The following PACRG variants were observed in gnomAD, a reference collection of about 807,000 sequenced individuals.
PACRG encodes parkin coregulated, also known as parkin coregulated gene protein.
Under a neutral mutation model 29.7 loss-of-function variants are expected in PACRG, and 29 were observed. That is an observed-to-expected ratio of 0.98 (90% CI 0.73 to 1.33). The LOEUF (loss-of-function observed/expected upper bound fraction) is 1.33, where lower values mean the gene tolerates loss of function less well. Ranked by LOEUF, PACRG falls within the 40% of genes most tolerant of loss-of-function variation. The pLI is 0.00. For synonymous variants in PACRG, 116 were observed against 118.7 expected, an observed-to-expected ratio of 0.98 and a Z score of 0.15; for missense variants, 279 against 316.2, an observed-to-expected ratio of 0.88 and a Z score of 0.89.
intron 4 of PACRG, among the ~76,000 whole-genome samples, chr6:163,212,905 A>G (rs1038063424): frequency 1.3e-5 from 2 of 151,986 alleles, no homozygotes; most frequent in South Asian, 2.1e-4. Context: ...CAGCCTCCCG[A>G]GTAGCTGGAA....
chr6:162,804,684 A>T (rs1396109761), intron 1 of PACRG, among the ~76,000 whole-genome samples: 1 of 152,128 alleles, frequency 6.6e-6, no homozygotes, highest in Non-Finnish European at 1.5e-5. Flanking sequence ...ACCTCAGGCC[A>T]TTCTGTTAGA....
chr6:163,061,006 G>A (rs1034843335), intron 2 of PACRG, among the ~76,000 whole-genome samples: 12 of 151,976 alleles, frequency 7.9e-5, no homozygotes, highest in Non-Finnish European at 7.4e-5. Flanking sequence ...TAGGGAATAT[G>A]TATATATGTA....
intron 2 of PACRG, among the ~76,000 whole-genome samples, chr6:163,051,028 T>G: frequency 6.6e-6 from 1 of 152,342 alleles, no homozygotes; most frequent in African/African-American, 2.4e-5. Context: ...ATCTTTTCCA[T>G]TGCTTTACCT....
At position 162,728,074 on chromosome 6, in the gene PACRG, A is replaced by C; in HGVS notation, c.-162A>C. 1.2e-6 allele frequency: 1 copy of C among 849,394 alleles called. No individual in the cohort carries two copies. Among genetic ancestry groups the C allele is most frequent in the Non-Finnish European group, 1.9e-6 (1 of 540,164 alleles). 52.6% of individuals were successfully genotyped at this position (849,394 alleles called of 1,614,324 possible). On this transcript the variant is annotated 5_prime_UTR_variant, in exon 1 of 5. Coordinates refer to ENST00000366888, the MANE Select transcript of PACRG (RefSeq NM_001080379.2). ...CCCTAGGGTCCAGCTCCCTTCACCT[A>C]GGAGCTGCCAAACATCTGGATCAAC...
intron 1 of PACRG, among the ~76,000 whole-genome samples, chr6:162,733,409 G>A (rs1353253712): frequency 1.3e-5 from 2 of 152,176 alleles, no homozygotes; most frequent in Non-Finnish European, 2.9e-5. Context: ...TTTGATGAAT[G>A]AAGGAAAGCA....
intron 4 of PACRG, among the ~76,000 whole-genome samples, chr6:163,276,128 A>T (rs911628254): frequency 6.6e-6 from 1 of 151,776 alleles, no homozygotes; most frequent in East Asian, 1.9e-4. Flanking sequence ...CCAGGCTCAA[A>T]TGATCCTCCT....
At chr6:163,290,149 C>A (rs1315112066) in intron 4 of PACRG, among the ~76,000 whole-genome samples, 1 of 152,180 alleles carries the variant, frequency 6.6e-6, no homozygotes, top group African/African-American at 2.4e-5. Flanking sequence ...CATGAGCCAC[C>A]ACGCCCGGCC....
intron 4 of PACRG, among the ~76,000 whole-genome samples, chr6:163,209,226 A>G (rs1585334401): frequency 1.3e-5 from 2 of 152,356 alleles, no homozygotes; most frequent in South Asian, 4.1e-4. Context: ...GCATCTTACC[A>G]TCCAAATTTC....
chr6:163,237,606 G>T lies in PACRG; in HGVS notation c.614-77221G>T, dbSNP rs79879841. Reference sequence around the variant, plus strand: ...TTTTAAGATAAAGTAAATTGGAGTTGTCTCTTTGTCACCCCAGTTACTGTC... The same window carrying T: ...TTTTAAGATAAAGTAAATTGGAGTTTTCTCTTTGTCACCCCAGTTACTGTC... On this transcript the variant is annotated intron_variant, in intron 4 of 4. Coordinates refer to ENST00000366888, the MANE Select transcript of PACRG (RefSeq NM_001080379.2). Among the ~76,000 whole-genome samples, 57 of 152,242 alleles carry T rather than the reference G, an allele frequency of 3.7e-4. No individual in the cohort carries two copies. The East Asian group carries it at 9.3e-3, about 25-fold the overall frequency.
chr6:163,096,549 G>A (rs1814608801), intron 4 of PACRG, among the ~76,000 whole-genome samples: 1 of 152,172 alleles, frequency 6.6e-6, no homozygotes, highest in Admixed American at 6.5e-5. Context: ...GCCGGCTGTG[G>A]CTTTTGACGG....
chr6:163,196,526 T>G (rs1189398179), intron 4 of PACRG, among the ~76,000 whole-genome samples: 2 of 152,226 alleles, frequency 1.3e-5, no homozygotes, highest in Non-Finnish European at 2.9e-5. Flanking sequence ...GGCAACACAG[T>G]GTAAATAAAT....
At position 163,301,528 on chromosome 6, in the gene PACRG, G is replaced by C. The variant is rs552496907; in HGVS notation, c.614-13299G>C. Among the ~76,000 whole-genome samples, 3 of 152,342 alleles carry C rather than the reference G, an allele frequency of 2.0e-5. No individual in the cohort carries two copies. The South Asian group carries it at 6.2e-4, about 32-fold the overall frequency. ...CCAAAGATGAGGGCTCCAAGTTCAA[G>C]GTGAGTCCAGATAACAATGTCCTGC... is the stretch of plus-strand genomic sequence containing the variant. On this transcript the variant is annotated intron_variant, in intron 4 of 4. Transcript: ENST00000366888.
At chr6:162,946,256 GA>G (rs797010666) in intron 2 of PACRG, among the ~76,000 whole-genome samples, 4 of 147,330 alleles carry the variant, frequency 2.7e-5, no homozygotes, top group South Asian at 2.1e-4. Context: ...AGTAACCAAG[GA>G]AAAAAAAATG....
chr6:163,259,819 G>A (rs544065999), intron 4 of PACRG, among the ~76,000 whole-genome samples: 101 of 152,206 alleles, frequency 6.6e-4, no homozygotes, highest in African/African-American at 4.8e-5. Flanking sequence ...AGGGTTGATC[G>A]CTAGGACTAT....
intron 3 of PACRG, among the ~76,000 whole-genome samples, chr6:163,088,610 T>A (rs749769826): frequency 3.3e-5 from 5 of 152,218 alleles, no homozygotes; most frequent in Non-Finnish European, 7.3e-5. Context: ...GCTTGTTACT[T>A]TGCACTCAGA....
At chr6:163,097,256 C>G (rs1395666583) in intron 4 of PACRG, among the ~76,000 whole-genome samples, 2 of 152,220 alleles carry the variant, frequency 1.3e-5, no homozygotes, top group East Asian at 3.8e-4. Flanking sequence ...CCCATTTCAC[C>G]AGCATCTGGC....
chr6:162,796,804 A>G (rs1252359609), intron 1 of PACRG, among the ~76,000 whole-genome samples: 4 of 152,014 alleles, frequency 2.6e-5, no homozygotes, highest in Non-Finnish European at 4.4e-5. Context: ...GACATTCTGT[A>G]CTATCATCCT....
At position 162,969,317 on chromosome 6, in the gene PACRG, C is replaced by A. The variant is rs547750838; in HGVS notation, c.292-92833C>A. Among the ~76,000 whole-genome samples the A allele has an allele frequency of 3.9e-5, 6 of 152,184 alleles. No individual in the cohort carries two copies. The South Asian group carries it at 1.2e-3, about 32-fold the overall frequency. ...TCCCGTTTCAAGGGATTGGTGAGAA[C>A]CTTTGATGTTATCATCTCCAAACAT... On this transcript the variant is annotated intron_variant, in intron 2 of 4. Coordinates refer to ENST00000366888, the MANE Select transcript of PACRG (RefSeq NM_001080379.2).
At chr6:163,255,291 G>A (rs943936771) in intron 4 of PACRG, among the ~76,000 whole-genome samples, 1 of 152,204 alleles carries the variant, frequency 6.6e-6, no homozygotes, top group Non-Finnish European at 1.5e-5. Flanking sequence ...CAGCCTGAGA[G>A]ACCAACCTGG....
Sources: allele counts gnomAD v4.1 joint callset (sites outside exome capture counted in the v4.1 genomes callset), GRCh38; gene constraint gnomAD v4.1.1; transcripts MANE v1.5; gene names NCBI Gene and HGNC (gene_info 2026-07-23, HGNC 2026-07-21).